Variants in KIAA0825 observed in about 807,000 individuals in gnomAD.
KIAA0825 encodes the protein KIAA0825.
KIAA0825 carries 119 observed loss-of-function variants against 147.6 expected under a neutral mutation model. The ratio of observed to expected loss-of-function variants is 0.81; its 90% CI spans 0.69 to 0.94. The LOEUF (loss-of-function observed/expected upper bound fraction) is 0.94, where lower values mean the gene tolerates loss of function less well. Among genes scored for constraint, KIAA0825 ranks in the 40% least tolerant of loss-of-function variants. The pLI, the probability that KIAA0825 is intolerant of heterozygous loss-of-function variation, is 0.00. For synonymous variants in KIAA0825, 470 were observed against 518.1 expected (o/e 0.91, Z 1.26); for missense variants, 1,381 against 1,472.7 (o/e 0.94, Z 1.02).
At chr5:94,587,745 C>T (rs927297912) in intron 1 of KIAA0825, among the ~76,000 whole-genome samples, 2 of 152,172 alleles carry the variant, frequency 1.3e-5, no homozygotes, top group African/African-American at 4.8e-5. Context: ...CAAGACAATC[C>T]TTAGCAAAAA....
chr5:94,411,818 G>A (rs555219181), intron 15 of KIAA0825, among the ~76,000 whole-genome samples: 43 of 151,978 alleles, frequency 2.8e-4, no homozygotes, highest in African/African-American at 1.0e-3. Flanking sequence ...GTGGTGGCTC[G>A]TGCCTGTAGT....
At chr5:94,207,261 A>G (rs1425467421) in intron 20 of KIAA0825, among the ~76,000 whole-genome samples, 1 of 152,218 alleles carries the variant, frequency 6.6e-6, no homozygotes, top group Non-Finnish European at 1.5e-5. Flanking sequence ...ACATTTATGA[A>G]ATGTGTGGTC....
At chr5:94,615,256 A>C (rs570643648) in intron 1 of KIAA0825, among the ~76,000 whole-genome samples, 1 of 152,300 alleles carries the variant, frequency 6.6e-6, no homozygotes, top group South Asian at 2.1e-4. Context: ...AGTCAACTAA[A>C]GTCAGAGGAT....
At chr5:94,369,562 C>T (rs1746367038) in intron 20 of KIAA0825, among the ~76,000 whole-genome samples, 1 of 152,064 alleles carries the variant, frequency 6.6e-6, no homozygotes, top group Non-Finnish European at 1.5e-5. Flanking sequence ...GCTAAGAAGC[C>T]TTTAGCAATG....
intron 20 of KIAA0825, among the ~76,000 whole-genome samples, chr5:94,329,828 C>G (rs1781084564): frequency 6.6e-6 from 1 of 151,578 alleles, no homozygotes; most frequent in South Asian, 2.1e-4. Flanking sequence ...AATAAGCCAG[C>G]ACACAAAGAC....
chr5:94,593,344 T>G (rs1232384232), intron 1 of KIAA0825: 3 of 977,092 alleles, frequency 3.1e-6, no homozygotes, highest in African/African-American at 3.2e-5. Flanking sequence ...CTTAAGTTCC[T>G]TGTCTGTCTT....
chr5:94,591,428 T>A (rs745854836), intron 1 of KIAA0825, among the ~76,000 whole-genome samples: 6 of 152,192 alleles, frequency 3.9e-5, no homozygotes, highest in Non-Finnish European at 5.9e-5. Flanking sequence ...CAAGAAATGA[T>A]ATGCTTCAAG....
intron 20 of KIAA0825, among the ~76,000 whole-genome samples, chr5:94,224,655 A>G (rs1329682504): frequency 1.3e-5 from 2 of 152,156 alleles, no homozygotes; most frequent in Non-Finnish European, 2.9e-5. Context: ...TAATTTTACT[A>G]TTAATATATT....
intron 20 of KIAA0825, among the ~76,000 whole-genome samples, chr5:94,297,277 A>C (rs960552518): frequency 1.3e-4 from 20 of 152,192 alleles, no homozygotes; most frequent in Non-Finnish European, 5.9e-5. Flanking sequence ...CCTGCATCTA[A>C]ATAGTAGATT....
intron 20 of KIAA0825, among the ~76,000 whole-genome samples, chr5:94,381,870 C>T (rs1041376659): frequency 2.0e-5 from 3 of 152,112 alleles, no homozygotes; most frequent in African/African-American, 7.2e-5. Flanking sequence ...ACTAATTCCA[C>T]AGATGGCCTG....
intron 19 of KIAA0825, among the ~76,000 whole-genome samples, chr5:94,385,628 A>G (rs147355585): frequency 1.6e-3 from 244 of 152,354 alleles, no homozygotes; most frequent in African/African-American, 5.5e-3. Context: ...CGATCTTTTC[A>G]GTGTAACTAC....
chr5:94,217,214 G>T (rs866752510), intron 20 of KIAA0825, among the ~76,000 whole-genome samples: 24 of 151,972 alleles, frequency 1.6e-4, no homozygotes, highest in African/African-American at 5.8e-4. Flanking sequence ...TTTCTATCTG[G>T]TGTGTGTAGA....
intron 20 of KIAA0825, among the ~76,000 whole-genome samples, chr5:94,234,409 A>T (rs1774926104): frequency 6.6e-6 from 1 of 151,956 alleles, no homozygotes. Context: ...AAAAAAATAA[A>T]AAAAAAATAT....
At chr5:94,330,776 C>A (rs1428114464) in intron 20 of KIAA0825, among the ~76,000 whole-genome samples, 1 of 152,060 alleles carries the variant, frequency 6.6e-6, no homozygotes, top group Non-Finnish European at 1.5e-5. Context: ...AATTGATCAA[C>A]CTTTTCAGAC....
intron 20 of KIAA0825, among the ~76,000 whole-genome samples, chr5:94,270,187 T>A (rs1776921230): frequency 6.6e-6 from 1 of 152,130 alleles, no homozygotes; most frequent in Non-Finnish European, 1.5e-5. Flanking sequence ...ATTAGCTGAC[T>A]TCAAATTATA....
At chr5:94,540,604 TTAA>T (rs910914454) in intron 2 of KIAA0825, among the ~76,000 whole-genome samples, 3 of 152,232 alleles carry the variant, frequency 2.0e-5, no homozygotes, top group African/African-American at 7.2e-5. Context: ...ATTAATTGGC[TTAA>T]TAATAAGACC....
intron 20 of KIAA0825, among the ~76,000 whole-genome samples, chr5:94,201,363 T>C (rs185216788): frequency 8.9e-4 from 135 of 152,098 alleles, no homozygotes; most frequent in African/African-American, 3.2e-3. Context: ...CACAGCCTTG[T>C]TCTTAGTCTT....
intron 20 of KIAA0825, among the ~76,000 whole-genome samples, chr5:94,320,934 T>C (rs1780124391): frequency 6.6e-6 from 1 of 152,096 alleles, no homozygotes; most frequent in Non-Finnish European, 1.5e-5. Context: ...TAAAAGTAAG[T>C]ACTTTCTAGA....
chr5:94,524,058 T>C lies in KIAA0825; in HGVS notation c.172A>G (p.Lys58Glu), dbSNP rs1047373713. 1.4e-5 allele frequency: 22 copies of C among 1,609,648 alleles called. No individual in the cohort carries two copies. The highest frequency in any genetic ancestry group is 1.8e-5 in the Non-Finnish European group (21 of 1,177,296). ...CIKEIQSEINKQCPGVQLQTT... is the reference protein window; with the variant it reads ...CIKEIQSEINEQCPGVQLQTT... ...TGCAGCTGCACACCTGGACATTGTT[T>C]GTTAATTTCGGACTGTATCTCTTTA... The change falls in exon 4 of 21, where the codon AAA becomes GAA. Residue 58 changes from lysine (K) to glutamate (E), a missense_variant. Coordinates refer to ENST00000682413, the MANE Select transcript of KIAA0825 (RefSeq NM_001145678.3).
Sources: allele counts gnomAD v4.1 joint callset (sites outside exome capture counted in the v4.1 genomes callset), GRCh38; gene constraint gnomAD v4.1.1; transcripts MANE v1.5; gene names NCBI Gene and HGNC (gene_info 2026-07-23, HGNC 2026-07-21).